IRS2: variants seen among roughly 807,000 people sequenced by gnomAD.
IRS2 encodes the protein insulin receptor substrate 2.
Under a neutral mutation model 70.9 loss-of-function variants are expected in IRS2, and 28 were observed. That is an observed-to-expected ratio of 0.39 (90% CI 0.29 to 0.54). The LOEUF (loss-of-function observed/expected upper bound fraction) is 0.54, where lower values mean the gene tolerates loss of function less well. IRS2 is among the 20% of genes least tolerant of loss of function. IRS2 has a pLI of 0.59. For missense variants in IRS2, 2,081 were observed against 2,024.1 expected, an observed-to-expected ratio of 1.03 and a Z score of -0.54; for synonymous variants, 1,217 against 981.9, an observed-to-expected ratio of 1.24 and a Z score of -4.48.
intron 1 of IRS2, among the ~76,000 whole-genome samples, chr13:109,772,964 G>T (rs1405035701): frequency 6.6e-6 from 1 of 152,050 alleles, no homozygotes; most frequent in Admixed American, 6.5e-5. Context: ...CAAAGTGCTG[G>T]GATTACAGGC....
At chr13:109,780,249 ATG>A (rs1566411173) in intron 1 of IRS2, among the ~76,000 whole-genome samples, 1 of 152,248 alleles carries the variant, frequency 6.6e-6, no homozygotes, top group African/African-American at 2.4e-5. Flanking sequence ...GACCATAAAT[ATG>A]TGTGTTTTTC....
In IRS2 at chr13:109,785,055, G is replaced by A; in HGVS notation, c.999C>T (p.Pro333=). 1 of 1,559,760 alleles carries A rather than the reference G, an allele frequency of 6.4e-7. No individual in the cohort carries two copies. The change falls in exon 1 of 2, where the codon CCC becomes CCT. Residue 333 remains proline, a synonymous_variant. Coordinates refer to ENST00000375856, the MANE Select transcript of IRS2 (RefSeq NM_003749.3). This position sits in a 1 kb window ranked among gnomAD's most constrained non-coding sequence, Gnocchi z 9.3. Reference sequence around the variant, plus strand: ...AGCGGCGCACCAGGCCCGTCTGGCTGGGGGGCAGGTTGACCAGGTGGTGGT... The same window carrying A: ...AGCGGCGCACCAGGCCCGTCTGGCTAGGGGGCAGGTTGACCAGGTGGTGGT... The part of the protein sequence containing the change: ...RRHHHLVNLP[P]SQTGLVRRSR...
chr13:109,754,802 C>T lies in IRS2; in HGVS notation c.*1502G>A, dbSNP rs1006368795. 7.3e-5 allele frequency: 14 copies of T among 192,360 alleles called. No homozygotes were observed. Among genetic ancestry groups the T allele is most frequent in the Non-Finnish European group, 1.5e-4 (14 of 92,102 alleles). The allele number at this position is 192,360 out of a possible 1,614,324, so 11.9% of individuals were successfully genotyped here. ...AGCCTCATTTTATTAATGCATTATT[C>T]TATAGCGATAGATATCTATTATATA... is the stretch of plus-strand genomic sequence containing the variant. On this transcript the variant is annotated 3_prime_UTR_variant, in exon 2 of 2. Coordinates refer to ENST00000375856, the MANE Select transcript of IRS2 (RefSeq NM_003749.3).
chr13:109,776,739 T>A (rs1877587884), intron 1 of IRS2, among the ~76,000 whole-genome samples: 1 of 152,132 alleles, frequency 6.6e-6, no homozygotes, highest in Non-Finnish European at 1.5e-5. Context: ...AACCCCATCA[T>A]CTCCTCCATG....
At chr13:109,760,266 CA>C in intron 1 of IRS2, among the ~76,000 whole-genome samples, 1 of 152,204 alleles carries the variant, frequency 6.6e-6, no homozygotes, top group East Asian at 1.9e-4. Flanking sequence ...ATGGCAAAAC[CA>C]AAAAGAAAAC....
intron 1 of IRS2, 86 bp from the exon 2 acceptor site, chr13:109,756,394 C>T (rs1877107781): frequency 9.3e-7 from 1 of 1,073,126 alleles, no homozygotes; most frequent in South Asian, 1.3e-5. Flanking sequence ...CTCTAACCCA[C>T]AGCTAGGACC....
At position 109,782,429 on chromosome 13, in the gene IRS2, G is replaced by A. The variant is rs1442769826; in HGVS notation, c.3625C>T (p.Pro1209Ser). The A allele has an allele frequency of 6.3e-7, 1 of 1,592,568 alleles. No individual in the cohort carries two copies. The highest frequency in any genetic ancestry group is 1.7e-5 in the Admixed American group (1 of 58,000). Residue 1209 changes from proline to serine, a missense_variant, in exon 1 of 2, where the codon CCG becomes TCG. Coordinates refer to ENST00000375856, the MANE Select transcript of IRS2 (RefSeq NM_003749.3). ...EPPTSPRQLQ[P>S]APPLAPQGRP... The stretch of plus-strand genomic sequence containing the variant: ...CCCTGCGGTGCCAAAGGGGGCGCCG[G>A]CTGCAACTGTCGTGGGGAGGTGGGC...
intron 1 of IRS2, among the ~76,000 whole-genome samples, chr13:109,768,894 A>G (rs1877393137): frequency 6.6e-6 from 1 of 152,166 alleles, no homozygotes; most frequent in South Asian, 2.1e-4. Context: ...CAGATTTTCC[A>G]TTAAAAAACA....
chr13:109,771,300 C>A, intron 1 of IRS2, among the ~76,000 whole-genome samples: 1 of 151,654 alleles, frequency 6.6e-6, no homozygotes, highest in Admixed American at 6.6e-5. Context: ...TCATGCAGTT[C>A]AATATTAATA....
chr13:109,777,058 G>C (rs151047323), intron 1 of IRS2, among the ~76,000 whole-genome samples: 83 of 152,034 alleles, frequency 5.5e-4, no homozygotes, highest in African/African-American at 2.0e-3. Context: ...GCTGTCATCC[G>C]TACTAGAGAA....
chr13:109,765,267 TG>T (rs1274690220), intron 1 of IRS2, among the ~76,000 whole-genome samples: 1 of 152,208 alleles, frequency 6.6e-6, no homozygotes, highest in Non-Finnish European at 1.5e-5. Context: ...TAATGCAAAA[TG>T]GAAAACGCCA....
At chr13:109,764,759 A>G (rs751860579) in intron 1 of IRS2, among the ~76,000 whole-genome samples, 15 of 152,222 alleles carry the variant, frequency 9.9e-5, no homozygotes. Flanking sequence ...TCAAAATTGT[A>G]TTCGTGAATG....
intron 1 of IRS2, among the ~76,000 whole-genome samples, chr13:109,756,592 A>G (rs1348214630): frequency 6.6e-6 from 1 of 152,178 alleles, no homozygotes; most frequent in Non-Finnish European, 1.5e-5. Flanking sequence ...GTTTTTGTGA[A>G]TCATTCTGTC....
chr13:109,756,692 C>T (rs972806730), intron 1 of IRS2, among the ~76,000 whole-genome samples: 2 of 152,240 alleles, frequency 1.3e-5, no homozygotes, highest in Non-Finnish European at 2.9e-5. Context: ...GGCCTTGATG[C>T]TTCCTGTGTT....
intron 1 of IRS2, among the ~76,000 whole-genome samples, chr13:109,764,419 A>T (rs1877291237): frequency 6.6e-6 from 1 of 152,190 alleles, no homozygotes; most frequent in African/African-American, 2.4e-5. Flanking sequence ...TGAATTCCCC[A>T]GTGGAGTCAC....
In IRS2 at chr13:109,782,727, G is replaced by T. The variant is rs760816060; in HGVS notation, c.3327C>A (p.Ser1109Arg). 14 of 1,596,474 alleles carry T rather than the reference G, an allele frequency of 8.8e-6. No individual in the cohort carries two copies. Among genetic ancestry groups the T allele is most frequent in the Non-Finnish European group, 1.2e-5 (14 of 1,172,460 alleles). ...CGACTCCCGACACCTGCTCCATGAG[G>T]CTCAGCCTCTTCACGCCCGACGTCG... ...ASPTSGVKRL[S>R]LMEQVSGVEA... Residue 1109 changes from serine to arginine, a missense_variant, in exon 1 of 2, where the codon AGC becomes AGA. By Grantham distance (110) the Ser-to-Arg change is moderately radical. Around this residue, in one of 4 missense-constraint regions of IRS2, gnomAD observed 1,615 missense variants for 1,459.5 expected, o/e 1.11. Coordinates refer to ENST00000375856, the MANE Select transcript of IRS2 (RefSeq NM_003749.3).
rs1253250382 is a variant in IRS2, at chr13:109,783,761, C to A, written c.2293G>T (p.Asp765Tyr). 6.3e-7 allele frequency: 1 copy of A among 1,593,876 alleles called. No homozygotes were observed. The highest frequency in any genetic ancestry group is 2.3e-5 in the East Asian group (1 of 43,626). The change falls in exon 1 of 2, where the codon GAC (aspartate) becomes TAC (tyrosine). Residue 765 changes from aspartate to tyrosine, a missense_variant. Physicochemically the swap from Asp to Tyr is radical, Grantham distance 160 (BLOSUM62 -3). Transcript: ENST00000375856. ...TCGCTGGGGGACACGTTGAGGTAGT[C>A]CCCGTTGGGCAGCAGCTTGCCATCT... ...HADGKLLPNG[D>Y]YLNVSPSDAV...
chr13:109,765,132 C>G (rs1448612219), intron 1 of IRS2, among the ~76,000 whole-genome samples: 1 of 152,190 alleles, frequency 6.6e-6, no homozygotes. Context: ...CACTGGGGGA[C>G]AGCACTTCCC....
rs745496477 is a variant in IRS2 at position 109,783,350 on chromosome 13, G to A, written c.2704C>T (p.Pro902Ser). 1.9e-6 allele frequency: 3 copies of A among 1,550,806 alleles called. No individual in the cohort carries two copies. The highest frequency in any genetic ancestry group is 2.6e-6 in the Non-Finnish European group (3 of 1,157,766). ...GGCAGTGGGTACTCGTGCATGCTGG[G>A]CAGGCTGGGCAGCCCCTCCAGGGAC... ...RLSLEGLPSL[P>S]SMHEYPLPPE... The change falls in exon 1 of 2, where the codon CCC becomes TCC. Residue 902 changes from proline (P) to serine (S), a missense_variant. Physicochemically the swap from Pro to Ser is moderately conservative, Grantham distance 74. Transcript: ENST00000375856.
Sources: gnomAD v4.1 joint callset for allele counts (sites outside exome capture counted in the v4.1 genomes callset) on GRCh38, gnomAD v4.1.1 for gene constraint, gnomAD v4.1.1 regional missense constraint, Gnocchi (gnomAD v3.1) non-coding constraint, MANE v1.5 for transcripts, NCBI Gene and HGNC (gene_info 2026-07-23, HGNC 2026-07-21) for gene names.